The following RHOU variants were observed in gnomAD, a reference collection of about 807,000 sequenced individuals.
The protein encoded by RHOU is rho-related GTP-binding protein RhoU.
RHOU carries 8 observed loss-of-function variants against 12.6 expected under a neutral mutation model. The ratio of observed to expected loss-of-function variants is 0.64; its 90% CI spans 0.37 to 1.15. The LOEUF (loss-of-function observed/expected upper bound fraction) is 1.15, where lower values mean the gene tolerates loss of function less well. Ranked by LOEUF, RHOU falls within the 50% of genes most tolerant of loss-of-function variation. RHOU has a pLI of 0.01. For synonymous variants in RHOU, 161 were observed against 147.4 expected (o/e 1.09, Z -0.67); for missense variants, 258 against 347.0 (o/e 0.74, Z 2.04).
the RHOU span, among the ~76,000 whole-genome samples, chr1:228,708,264 T>C: frequency 6.6e-6 from 1 of 151,948 alleles, no homozygotes; most frequent in African/African-American, 2.4e-5. Flanking sequence ...ACTTCCCCAA[T>C]CTAGCAAGGC....
At chr1:228,709,402 G>C in the RHOU span, among the ~76,000 whole-genome samples, 3 of 148,800 alleles carry the variant, frequency 2.0e-5, no homozygotes, top group South Asian at 2.2e-4. Context: ...TGACCACATA[G>C]TTGGAAGTAA....
chr1:228,672,729 G>A, the RHOU span, among the ~76,000 whole-genome samples: 1 of 152,158 alleles, frequency 6.6e-6, no homozygotes, highest in Non-Finnish European at 1.5e-5. Flanking sequence ...ACCTCAGGAA[G>A]TTTGAGTTTT....
At chr1:228,712,828 T>TAAAATA in the RHOU span, among the ~76,000 whole-genome samples, 4 of 119,150 alleles carry the variant, frequency 3.4e-5, no homozygotes, top group East Asian at 2.3e-4. Flanking sequence ...AATAAATAAA[T>TAAAATA]AAATAAAATA....
chr1:228,646,522 C>T, the RHOU span, among the ~76,000 whole-genome samples: 3 of 103,488 alleles, frequency 2.9e-5, no homozygotes, highest in Admixed American at 2.1e-4. Flanking sequence ...GCCGGCCCAG[C>T]CGCGCGGGGC....
the RHOU span, among the ~76,000 whole-genome samples, chr1:228,729,981 C>A: frequency 1.3e-5 from 2 of 152,292 alleles, no homozygotes; most frequent in African/African-American, 2.4e-5. Flanking sequence ...CTGAAAGGAG[C>A]CACTGGTGGC....
chr1:228,696,581 C>G, the RHOU span, among the ~76,000 whole-genome samples: 1 of 146,286 alleles, frequency 6.8e-6, no homozygotes, highest in Non-Finnish European at 1.5e-5. Context: ...GAGTCTTGCT[C>G]TGTCACCCAG....
the RHOU span, chr1:228,687,956 T>G: frequency 1.5e-6 from 1 of 670,508 alleles, no homozygotes; most frequent in Non-Finnish European, 2.7e-6. Flanking sequence ...CCTTCCTTCC[T>G]TCTGTCCTTC....
intron 2 of RHOU, among the ~76,000 whole-genome samples, chr1:228,739,266 G>A (rs1246114842): frequency 6.6e-6 from 1 of 152,152 alleles, no homozygotes. Context: ...CAGGTTTTCT[G>A]AGTTTTAAAA....
chr1:228,688,070 A>G, the RHOU span, among the ~76,000 whole-genome samples: 1 of 151,468 alleles, frequency 6.6e-6, no homozygotes, highest in Non-Finnish European at 1.5e-5. Flanking sequence ...TACAAGAGCA[A>G]GGATTTTGTT....
At chr1:228,680,358 C>T in the RHOU span, among the ~76,000 whole-genome samples, 1 of 152,078 alleles carries the variant, frequency 6.6e-6, no homozygotes, top group Admixed American at 6.6e-5. Context: ...AATCCCGGGC[C>T]GTGGGCATTC....
At chr1:228,721,811 C>T in the RHOU span, among the ~76,000 whole-genome samples, 1 of 152,196 alleles carries the variant, frequency 6.6e-6, no homozygotes, top group Non-Finnish European at 1.5e-5. Context: ...CAGGCATGCA[C>T]TAATTTTGTA....
At chr1:228,728,408 C>G in the RHOU span, among the ~76,000 whole-genome samples, 1 of 152,222 alleles carries the variant, frequency 6.6e-6, no homozygotes, top group East Asian at 1.9e-4. Flanking sequence ...TATTAAAACA[C>G]TTATAAATAG....
the RHOU span, chr1:228,651,221 G>A: frequency 2.8e-5 from 6 of 210,778 alleles, no homozygotes; most frequent in South Asian, 6.0e-4. Flanking sequence ...CCAGGGGGAG[G>A]CAGCAGGCTC....
At chr1:228,711,350 A>T in the RHOU span, among the ~76,000 whole-genome samples, 5 of 152,160 alleles carry the variant, frequency 3.3e-5, no homozygotes, top group Middle Eastern at 3.2e-3. Context: ...CGCATCGCCA[A>T]GTCAATCCTA....
chr1:228,720,019 A>G, the RHOU span, among the ~76,000 whole-genome samples: 8 of 152,180 alleles, frequency 5.3e-5, no homozygotes, highest in Admixed American at 4.6e-4. Context: ...TTGGTCTCAC[A>G]GTATAATCAT....
At chr1:228,647,089 T>C in the RHOU span, among the ~76,000 whole-genome samples, 1 of 152,164 alleles carries the variant, frequency 6.6e-6, no homozygotes, top group Non-Finnish European at 1.5e-5. Flanking sequence ...GGAAGCACCC[T>C]ACTTCGGTAG....
the RHOU span, among the ~76,000 whole-genome samples, chr1:228,675,431 A>G: frequency 3.3e-5 from 5 of 152,192 alleles, no homozygotes; most frequent in African/African-American, 7.2e-5. Context: ...ACAGACACAA[A>G]AGCTATTGGG....
the RHOU span, among the ~76,000 whole-genome samples, chr1:228,689,804 C>T: frequency 0.011 from 1,667 of 152,016 alleles, 36 homozygotes; most frequent in African/African-American, 0.039. Context: ...GAAACCATCC[C>T]TACCACCCCT....
chr1:228,717,675 G>A, the RHOU span, among the ~76,000 whole-genome samples: 30 of 152,314 alleles, frequency 2.0e-4, no homozygotes, highest in African/African-American at 7.2e-4. Flanking sequence ...GTAGGAAAAA[G>A]TTGAGAGTCA....
Sources: gnomAD v4.1 joint callset for allele counts (sites outside exome capture counted in the v4.1 genomes callset) on GRCh38, gnomAD v4.1.1 for gene constraint, MANE v1.5 for transcripts, NCBI Gene and HGNC (gene_info 2026-07-23, HGNC 2026-07-21) for gene names.